The following PDE9A variants were observed in gnomAD, a reference collection of about 807,000 sequenced individuals.
PDE9A encodes high affinity cGMP-specific 3',5'-cyclic phosphodiesterase 9A.
In PDE9A, 60 loss-of-function variants were observed where a neutral mutation model predicts 87.4. The observed-to-expected ratio is 0.69, with a 90% confidence interval of 0.56 to 0.85. PDE9A has a LOEUF of 0.85. Ranked by LOEUF, PDE9A falls within the 40% of genes least tolerant of loss-of-function variation. PDE9A has a pLI of 0.00. For synonymous variants in PDE9A, 272 were observed against 279.4 expected (o/e 0.97, Z 0.27); for missense variants, 665 against 779.0 (o/e 0.85, Z 1.74).
intron 1 of PDE9A, among the ~76,000 whole-genome samples, chr21:42,671,447 T>C (rs916670621): frequency 6.6e-6 from 1 of 152,276 alleles, no homozygotes; most frequent in East Asian, 1.9e-4. Context: ...ATACAGATTT[T>C]ATTTTAGCAA....
rs147900122 is a variant in PDE9A at position 42,667,753 on chromosome 21, C to T, written c.69+13870C>T. Among the ~76,000 whole-genome samples the T allele has an allele frequency of 2.9e-3, 449 of 152,242 alleles. 6 individuals are homozygous for T. The highest frequency in any genetic ancestry group is 0.021 in the South Asian group (99 of 4,820). ...GGCAGCCACCACTTCCCTAGAAACC[C>T]GTGGCAAGTTCCCTCCTCCCGACCC... On this transcript the variant is annotated intron_variant, in intron 1 of 19. Coordinates refer to ENST00000291539, the MANE Select transcript of PDE9A (RefSeq NM_002606.3).
chr21:42,711,316 G>A (rs188321927), intron 4 of PDE9A, among the ~76,000 whole-genome samples: 9 of 150,878 alleles, frequency 6.0e-5, no homozygotes, highest in Admixed American at 1.3e-4. Flanking sequence ...GCAGCTGTGC[G>A]ATAAGCTCAC....
intron 13 of PDE9A, among the ~76,000 whole-genome samples, 179 bp downstream of exon 13, chr21:42,761,086 G>A (rs2055710277): frequency 6.6e-6 from 1 of 152,180 alleles, no homozygotes. Flanking sequence ...AGGGCCTTGG[G>A]TCTCCCCGGA....
chr21:42,686,190 AG>A lies in PDE9A; in HGVS notation c.70del. 1 of 1,613,178 alleles carries A rather than the reference AG, an allele frequency of 6.2e-7. No homozygotes were observed. The highest frequency in any genetic ancestry group is 8.5e-7 in the Non-Finnish European group (1 of 1,179,172). The stretch of plus-strand genomic sequence containing the variant: ...CCGCCTCACCGCGCTTCTGTTTTGC[AG>A]GTAATCTTCAGCAAGTACTGCAACT... On this transcript the variant is annotated splice_acceptor_variant, in intron 1 of 19. Transcript: ENST00000291539. LOFTEE classifies it high-confidence loss of function.
intron 1 of PDE9A, among the ~76,000 whole-genome samples, chr21:42,662,606 A>ACACACACCACACACAC (rs1322706888): frequency 2.7e-5 from 4 of 145,664 alleles, no homozygotes; most frequent in African/African-American, 5.3e-5. Flanking sequence ...ATACACATGC[A>ACACACACCACACACAC]CACACACCAC....
intron 13 of PDE9A, among the ~76,000 whole-genome samples, chr21:42,761,175 G>A (rs945496546): frequency 1.2e-4 from 19 of 152,344 alleles, no homozygotes; most frequent in African/African-American, 1.9e-4. Context: ...TCAGGTGCAC[G>A]GCAGATCCCT....
chr21:42,769,289 ACACAGACG>A (rs2076507353), intron 17 of PDE9A, 134 bp downstream of exon 17: 15 of 770,900 alleles, frequency 1.9e-5, no homozygotes, highest in Non-Finnish European at 3.1e-5. Context: ...ACACAGATAC[ACACAGACG>A]CACATACAGG....
chr21:42,714,474 A>G (rs1602219667), intron 4 of PDE9A, among the ~76,000 whole-genome samples: 1 of 152,072 alleles, frequency 6.6e-6, no homozygotes, highest in South Asian at 2.1e-4. Flanking sequence ...TGGCTCTACC[A>G]GTCTTTGTTC....
chr21:42,662,994 CCACA>C (rs148408534), intron 1 of PDE9A, among the ~76,000 whole-genome samples: 1 of 148,844 alleles, frequency 6.7e-6, no homozygotes, highest in Non-Finnish European at 1.5e-5. Flanking sequence ...AGAACACACA[CCACA>C]CACACGCACA....
intron 1 of PDE9A, among the ~76,000 whole-genome samples, chr21:42,670,055 T>G (rs1290996579): frequency 1.3e-5 from 2 of 151,588 alleles, no homozygotes; most frequent in Non-Finnish European, 2.9e-5. Context: ...ACACACACAC[T>G]TACACATTCA....
chr21:42,691,959 C>A (rs541164597), intron 3 of PDE9A, among the ~76,000 whole-genome samples: 20 of 152,168 alleles, frequency 1.3e-4, no homozygotes, highest in African/African-American at 4.6e-4. Context: ...CCAGCCCCTT[C>A]ACCATCTCCA....
rs957403228 is a variant in PDE9A at position 42,696,832 on chromosome 21, C to T, written c.219-2136C>T. On this transcript the variant is annotated intron_variant, in intron 3 of 19. Transcript: ENST00000291539. The surrounding 1 kb of genome is among the most constrained non-coding windows in gnomAD (Gnocchi z 5.1). Reference sequence around the variant, plus strand: ...CACTGTGGACTTGCCCAGCTGAGCACAGGCATCAGGGGCTAGAGGGGCCCT... The same window carrying T: ...CACTGTGGACTTGCCCAGCTGAGCATAGGCATCAGGGGCTAGAGGGGCCCT... Among the ~76,000 whole-genome samples the T allele has an allele frequency of 2.0e-4, 30 of 152,180 alleles. No individual in the cohort carries two copies. The highest frequency in any genetic ancestry group is 6.5e-4 in the African/African-American group (27 of 41,444).
intron 19 of PDE9A, 117 bp downstream of exon 19, chr21:42,772,637 C>T (rs1370591380): frequency 8.8e-6 from 5 of 565,512 alleles, no homozygotes; most frequent in African/African-American, 3.9e-5. Flanking sequence ...ATGAATGGAA[C>T]TTTTTTTTTT....
chr21:42,689,864 G>A, intron 3 of PDE9A: 2 of 985,368 alleles, frequency 2.0e-6, no homozygotes, highest in Non-Finnish European at 2.4e-6. Context: ...GGGGAGCAGT[G>A]GAGATGGAGA....
chr21:42,713,245 C>T (rs1222689223), intron 4 of PDE9A, among the ~76,000 whole-genome samples: 1 of 152,204 alleles, frequency 6.6e-6, no homozygotes, highest in East Asian at 1.9e-4. Context: ...AGTGATTCTC[C>T]TGCCTCAGCC....
chr21:42,750,681 T>G (rs1178341126), intron 8 of PDE9A, among the ~76,000 whole-genome samples: 1 of 152,162 alleles, frequency 6.6e-6, no homozygotes, highest in Non-Finnish European at 1.5e-5. Context: ...GTTCAAGCGA[T>G]TCTCCTGCCT....
chr21:42,743,858 C>T lies in PDE9A; in HGVS notation c.651C>T (p.Ser217=). The change falls in exon 8 of 20, where the codon AGC becomes AGT. Residue 217 remains serine (S), a splice_region_variant and synonymous_variant. Transcript: ENST00000291539. ...GGGAGGAGCTGGCGGCCAGAAGCAG[C>T]AGGTAGGGTCTGCGCTGGGGCCACG... ...KMREELAARS[S]RTNCPCKYSF... The T allele has an allele frequency of 1.3e-6, 2 of 1,566,808 alleles. No individual in the cohort carries two copies. Among genetic ancestry groups the T allele is most frequent in the Non-Finnish European group, 1.7e-6 (2 of 1,153,000 alleles).
chr21:42,655,818 C>T (rs1389452379), intron 1 of PDE9A, among the ~76,000 whole-genome samples: 1 of 152,030 alleles, frequency 6.6e-6, no homozygotes, highest in African/African-American at 2.4e-5. Flanking sequence ...CAACCCCCAC[C>T]CCGCCCCCCA....
chr21:42,726,624 A>ATATTTTTTTTT lies in PDE9A; in HGVS notation c.263-5145_263-5144insATTTTTTTTTT. Among the ~76,000 whole-genome samples the ATATTTTTTTTT allele has an allele frequency of 2.3e-3, 46 of 19,772 alleles. 1 individual carries two copies. Among genetic ancestry groups the ATATTTTTTTTT allele is most frequent in the East Asian group, 7.2e-3 (4 of 558 alleles). 13.0% of individuals were successfully genotyped at this position (19,772 alleles called of 152,430 possible). A position where few individuals can be genotyped will look rare whatever the true frequency, so the allele number is the denominator to read the frequency against. On this transcript the variant is annotated intron_variant, in intron 4 of 19. Coordinates refer to ENST00000291539, the MANE Select transcript of PDE9A (RefSeq NM_002606.3). ...TATATATATATATATATATATATAT[A>ATATTTTTTTTT]TTTTTTTTTTTTTTTTTGTAGAGAT...
Sources: gnomAD v4.1 joint callset for allele counts (sites outside exome capture counted in the v4.1 genomes callset) on GRCh38, gnomAD v4.1.1 for gene constraint, Gnocchi (gnomAD v3.1) non-coding constraint, MANE v1.5 for transcripts, NCBI Gene and HGNC (gene_info 2026-07-23, HGNC 2026-07-21) for gene names.